ACAN: variants seen among roughly 807,000 people sequenced by gnomAD.
The protein encoded by ACAN is aggrecan.
A neutral mutation model predicts 169.1 loss-of-function variants in ACAN; 47 were observed. That is an observed-to-expected ratio of 0.28 (90% CI 0.22 to 0.35). The LOEUF (loss-of-function observed/expected upper bound fraction) is 0.35. Among genes scored for constraint, ACAN ranks in the 10% least tolerant of loss-of-function variants. The pLI is 1.00. For missense variants in ACAN, 2,716 were observed against 2,759.9 expected (o/e 0.98, Z 0.36); for synonymous variants, 1,115 against 1,112.2 (o/e 1.00, Z -0.05).
chr15:88,832,444 T>C (rs1596126019), intron 1 of ACAN, among the ~76,000 whole-genome samples: 1 of 152,152 alleles, frequency 6.6e-6, no homozygotes, highest in East Asian at 1.9e-4. Context: ...ACCATGTCTC[T>C]ACCAAAAAAT....
At position 88,855,039 on chromosome 15, in the gene ACAN, C is replaced by A; in HGVS notation, c.2454C>A (p.Phe818Leu). ...SVRPFPSVEL[F>L]PSEEPFPSKE... ...GGCCATTCCCCTCAGTGGAGCTGTT[C>A]CCCTCAGAGGAGCCATTCCCCTCCA... Residue 818 changes from phenylalanine to leucine, a missense_variant, in exon 12 of 19, where the codon TTC (phenylalanine) becomes TTA (leucine). Physicochemically the swap from Phe to Leu is conservative, Grantham distance 22. Transcript: ENST00000560601. 1.3e-6 allele frequency: 2 copies of A among 1,592,702 alleles called. No homozygotes were observed. The highest frequency in any genetic ancestry group is 1.3e-5 in the African/African-American group (1 of 74,210).
chr15:88,844,294 C>CTTT (rs71149235), intron 6 of ACAN, among the ~76,000 whole-genome samples: 2 of 104,688 alleles, frequency 1.9e-5, no homozygotes, highest in African/African-American at 3.6e-5. Context: ...CCATGCTTTG[C>CTTT]TTTTTTTTTT....
In ACAN at chr15:88,854,880, C is replaced by T. The variant is rs546447132; in HGVS notation, c.2295C>T (p.Gly765=). 3.1e-5 allele frequency: 47 copies of T among 1,511,646 alleles called. No homozygotes were observed. Among genetic ancestry groups the T allele is most frequent in the Middle Eastern group, 3.5e-4 (2 of 5,650 alleles). 93.6% of individuals were successfully genotyped at this position (1,511,646 alleles called of 1,614,324 possible). ...TCCTTCCTACTTGGCCTCCCACTGG[C>T]GCAGCAACAGAGGAAAGTACAGAAG... ...PGILPTWPPT[G]AATEESTEGP... The change falls in exon 12 of 19, where the codon GGC becomes GGT. Residue 765 remains glycine (G), a synonymous_variant. Coordinates refer to ENST00000560601, the MANE Select transcript of ACAN (RefSeq NM_001369268.1).
In ACAN at chr15:88,841,872, G is replaced by A. The variant is rs1238526488; in HGVS notation, c.757+5G>A. The A allele has an allele frequency of 1.2e-6, 2 of 1,612,416 alleles. No individual in the cohort carries two copies. Among genetic ancestry groups the A allele is most frequent in the Non-Finnish European group, 1.7e-6 (2 of 1,179,316 alleles). ...GCTTCGCCGAGGAGATGGAGGGTGA[G>A]CTGCCCTGCCCACCAGGAGGCACCC... On this transcript the variant is annotated splice_donor_5th_base_variant and intron_variant, in intron 5 of 18. Transcript: ENST00000560601.
Position 88,857,078 on chromosome 15 carries a change from C to A in ACAN, c.4493C>A (p.Thr1498Asn). 6.2e-7 allele frequency: 1 copy of A among 1,606,342 alleles called. No homozygotes were observed. Among genetic ancestry groups the A allele is most frequent in the Non-Finnish European group, 8.5e-7 (1 of 1,175,342 alleles). Reference sequence around the variant, plus strand: ...CTTCCTTCTGGAGAGGTTGTAGAGACTTCTGCCTCTGGAATAGAGGATGTC... The same window carrying A: ...CTTCCTTCTGGAGAGGTTGTAGAGAATTCTGCCTCTGGAATAGAGGATGTC... Reference protein sequence around the residue: ...SGLPSGEVVETSASGIEDVSE... With the variant: ...SGLPSGEVVENSASGIEDVSE... The change falls in exon 12 of 19, where the codon ACT becomes AAT. Residue 1498 changes from threonine (T) to asparagine (N), a missense_variant. By Grantham distance (65) the Thr-to-Asn change is moderately conservative (BLOSUM62 0). This residue lies in a region of ACAN where 1,389 missense variants were observed against 1,363.7 expected (regional missense o/e 1.02). Coordinates refer to ENST00000560601, the MANE Select transcript of ACAN (RefSeq NM_001369268.1).
rs1596159002 is a variant in ACAN at position 88,874,713 on chromosome 15, C to G, written c.*232C>G. The G allele has an allele frequency of 6.5e-5, 40 of 614,584 alleles. 1 individual carries two copies. The East Asian group carries it at 1.2e-3, about 18-fold the overall frequency. 38.1% of individuals were successfully genotyped at this position (614,584 alleles called of 1,614,324 possible). ...CCAAAGCAAAGCAAACTTATTATAA[C>G]CCTTGGACTGAGTTTAGAGACATTT... On this transcript the variant is annotated 3_prime_UTR_variant, in exon 19 of 19. Coordinates refer to ENST00000560601, the MANE Select transcript of ACAN (RefSeq NM_001369268.1). This position sits in a 1 kb window ranked among gnomAD's most constrained non-coding sequence, Gnocchi z 7.3.
chr15:88,813,463 G>A (rs888809293), intron 1 of ACAN, among the ~76,000 whole-genome samples: 16 of 152,224 alleles, frequency 1.1e-4, no homozygotes, highest in Admixed American at 5.9e-4. Context: ...GCCAGCTCAT[G>A]TTCTGCCACC....
In ACAN at chr15:88,874,706, A is replaced by G. The variant is rs1897470933; in HGVS notation, c.*225A>G. On this transcript the variant is annotated 3_prime_UTR_variant, in exon 19 of 19. Coordinates refer to ENST00000560601, the MANE Select transcript of ACAN (RefSeq NM_001369268.1). This position sits in a 1 kb window ranked among gnomAD's most constrained non-coding sequence, Gnocchi z 7.3. ...CCGAATGCCAAAGCAAAGCAAACTT[A>G]TTATAACCCTTGGACTGAGTTTAGA... 2 of 636,952 alleles carry G rather than the reference A, an allele frequency of 3.1e-6. No individual in the cohort carries two copies. Among genetic ancestry groups the G allele is most frequent in the Non-Finnish European group, 5.8e-6 (2 of 347,228 alleles). 39.5% of individuals were successfully genotyped at this position (636,952 alleles called of 1,614,324 possible).
intron 1 of ACAN, among the ~76,000 whole-genome samples, chr15:88,812,706 AAACAAACACCCCCAC>A (rs1010579152): frequency 6.6e-6 from 1 of 152,078 alleles, no homozygotes; most frequent in Non-Finnish European, 1.5e-5. Context: ...GATTTAAAGA[AAACAAACACCCCCAC>A]TCCCATCCCC....
intron 1 of ACAN, among the ~76,000 whole-genome samples, chr15:88,826,137 A>G (rs1896211765): frequency 6.6e-6 from 1 of 152,232 alleles, no homozygotes; most frequent in Non-Finnish European, 1.5e-5. Flanking sequence ...TTAGAGACTC[A>G]GCTCACGTCG....
chr15:88,815,656 TAAAAAAAA>T (rs58267198), intron 1 of ACAN, among the ~76,000 whole-genome samples: 19 of 54,182 alleles, frequency 3.5e-4, no homozygotes, highest in Non-Finnish European at 5.6e-4. Context: ...CTGCACTGAT[TAAAAAAAA>T]AAAAAAAAAA....
intron 1 of ACAN, among the ~76,000 whole-genome samples, chr15:88,811,931 C>G (rs1596111466): frequency 6.7e-6 from 1 of 150,158 alleles, no homozygotes; most frequent in Non-Finnish European, 1.5e-5. Context: ...CCTAAAGCAG[C>G]CTTGTTCTGA....
chr15:88,847,222 C>T lies in ACAN; in HGVS notation c.1430-21C>T, dbSNP rs1248788555. ...CACACCGTGGGTCCCTGAACCTGAC[C>T]GCTCCCTCCTCCCCACCCAGGGGTC... On this transcript the variant is annotated intron_variant, in intron 7 of 18. Coordinates refer to ENST00000560601, the MANE Select transcript of ACAN (RefSeq NM_001369268.1). The T allele has an allele frequency of 6.5e-6, 10 of 1,529,150 alleles. No individual in the cohort carries two copies. The South Asian group carries it at 7.3e-5, about 11-fold the overall frequency. 94.7% of individuals were successfully genotyped at this position (1,529,150 alleles called of 1,614,324 possible).
At chr15:88,834,466 A>G (rs1177913597) in intron 1 of ACAN, among the ~76,000 whole-genome samples, 1 of 152,158 alleles carries the variant, frequency 6.6e-6, no homozygotes, top group Non-Finnish European at 1.5e-5. Context: ...CTCATCCCCA[A>G]ATCCATCCAG....
rs1162986175 is a variant in ACAN, at chr15:88,871,662, G to C, written c.7219+122G>C. On this transcript the variant is annotated intron_variant, in intron 15 of 18. Transcript: ENST00000560601. The surrounding 1 kb of genome is among the most constrained non-coding windows in gnomAD (Gnocchi z 7.8). Reference sequence around the variant, plus strand: ...CTGCAGGACAGGGACCTGGGGGAGGGGGAACAGTGTTCCCACAGTCTGAGC... The same window carrying C: ...CTGCAGGACAGGGACCTGGGGGAGGCGGAACAGTGTTCCCACAGTCTGAGC... 20 of 1,324,706 alleles carry C rather than the reference G, an allele frequency of 1.5e-5. No homozygotes were observed. In the South Asian group the frequency reaches 2.9e-4, roughly 19 times the overall value. 82.1% of individuals were successfully genotyped at this position (1,324,706 alleles called of 1,614,324 possible). A position where few individuals can be genotyped will look rare whatever the true frequency, so the allele number is the denominator to read the frequency against.
chr15:88,857,975 G>A lies in ACAN; in HGVS notation c.5390G>A (p.Gly1797Glu). 1.2e-6 allele frequency: 2 copies of A among 1,613,912 alleles called. No homozygotes were observed. Among genetic ancestry groups the A allele is most frequent in the Non-Finnish European group, 1.7e-6 (2 of 1,179,880 alleles). ...ACATCTGGGGTCCCTGATCTCAGTG[G>A]GCAGCCTTCAGGGTTACCAGGGTTC... Reference protein sequence around the residue: ...GETSGVPDLSGQPSGLPGFSG... With the variant: ...GETSGVPDLSEQPSGLPGFSG... The change falls in exon 12 of 19, where the codon GGG becomes GAG. Residue 1797 changes from glycine to glutamate, a missense_variant. By Grantham distance (98) the Gly-to-Glu change is moderately conservative. This residue lies in a region of ACAN where 1,389 missense variants were observed against 1,363.7 expected (regional missense o/e 1.02). Coordinates refer to ENST00000560601, the MANE Select transcript of ACAN (RefSeq NM_001369268.1).
chr15:88,836,199 G>A lies in ACAN; in HGVS notation c.-7-1G>A, dbSNP rs777104551. On this transcript the variant is annotated splice_acceptor_variant, in intron 1 of 18. Transcript: ENST00000560601. LOFTEE classifies it low-confidence loss of function (5UTR_SPLICE). The stretch of plus-strand genomic sequence containing the variant: ...TAACGCCTCTGCCTCCCCTCTTCCA[G>A]GTGAACTATGACCACTTTACTCTGG... 1 of 1,612,946 alleles carries A rather than the reference G, an allele frequency of 6.2e-7. No individual in the cohort carries two copies. Among genetic ancestry groups the A allele is most frequent in the East Asian group, 2.2e-5 (1 of 44,878 alleles).
chr15:88,841,271 A>G (rs1378485855), intron 4 of ACAN, among the ~76,000 whole-genome samples: 1 of 152,214 alleles, frequency 6.6e-6, no homozygotes, highest in Non-Finnish European at 1.5e-5. Flanking sequence ...GATAGCACCT[A>G]CCTCACTGGG....
At chr15:88,821,597 C>T (rs1341818977) in intron 1 of ACAN, among the ~76,000 whole-genome samples, 1 of 152,180 alleles carries the variant, frequency 6.6e-6, no homozygotes, top group Non-Finnish European at 1.5e-5. Flanking sequence ...GGAGGAAAGG[C>T]AAGAAGTGCT....
Sources: gnomAD v4.1 joint callset for allele counts (sites outside exome capture counted in the v4.1 genomes callset) on GRCh38, gnomAD v4.1.1 for gene constraint, gnomAD v4.1.1 regional missense constraint, Gnocchi (gnomAD v3.1) non-coding constraint, MANE v1.5 for transcripts, NCBI Gene and HGNC (gene_info 2026-07-23, HGNC 2026-07-21) for gene names.